TBL1X: variants seen among roughly 807,000 people sequenced by gnomAD.
The protein encoded by TBL1X is F-box-like/WD repeat-containing protein TBL1X.
In TBL1X, 10 loss-of-function variants were observed where a neutral mutation model predicts 50.7. The observed-to-expected ratio is 0.20, with a 90% CI of 0.12 to 0.33. TBL1X has a LOEUF of 0.33. Among genes scored for constraint, TBL1X ranks in the 10% least tolerant of loss-of-function variants. The probability of loss-of-function intolerance (pLI) is 1.00; values close to 1 mark genes in which losing one functional copy is unlikely to be tolerated. For missense variants in TBL1X, 340 were observed against 504.4 expected (o/e 0.67, Z 3.12); for synonymous variants, 190 against 214.7 (o/e 0.88, Z 1.01).
intron 2 of TBL1X, among the ~76,000 whole-genome samples, chrX:9,620,611 AAG>A (rs1200550875): frequency 2.7e-5 from 3 of 112,068 alleles, no homozygotes; most frequent in East Asian, 5.7e-4. Flanking sequence ...GAGCCAGGAG[AAG>A]AGAGTTTCAG....
chrX:9,491,450 C>T (rs978287182), intron 1 of TBL1X, among the ~76,000 whole-genome samples: 1 of 103,600 alleles, frequency 9.7e-6, no homozygotes. Flanking sequence ...AAGTGATTTT[C>T]CCGCCTCAGC....
intron 2 of TBL1X, among the ~76,000 whole-genome samples, chrX:9,504,958 G>C (rs2082018905): frequency 9.0e-6 from 1 of 111,079 alleles, no homozygotes; most frequent in African/African-American, 3.3e-5. Context: ...GGAAATACTG[G>C]GAACACCATT....
rs956147024 is a variant in TBL1X at position 9,705,216 on chromosome X, G to A, written c.1236+102G>A. The A allele has an allele frequency of 3.5e-6, 4 of 1,141,144 alleles. No homozygotes were observed. In the East Asian group the frequency reaches 9.6e-5, roughly 27 times the overall value. The allele number at this position is 1,141,144 out of a possible 1,213,427, so 94.0% of individuals were successfully genotyped here. On this transcript the variant is annotated intron_variant, in intron 13 of 17. Transcript: ENST00000645353. ...TAAAAGCTACTGCAGCAGCAGACCA[G>A]CTCTAATGTGCCCCTTGGCTATTTG... is the stretch of plus-strand genomic sequence containing the variant.
chrX:9,638,364 G>A (rs922556100), intron 2 of TBL1X, among the ~76,000 whole-genome samples: 1 of 112,278 alleles, frequency 8.9e-6, no homozygotes, highest in African/African-American at 3.2e-5. Flanking sequence ...GGTTCTATTT[G>A]CATACTAATA....
chrX:9,691,859 A>T, intron 8 of TBL1X, 148 bp downstream of exon 8: 1 of 887,371 alleles, frequency 1.1e-6, no homozygotes, highest in Non-Finnish European at 1.6e-6. Flanking sequence ...TGGCTCTATG[A>T]GCCACTTCTC....
chrX:9,618,397 C>T (rs772436698), intron 2 of TBL1X, among the ~76,000 whole-genome samples: 24 of 112,055 alleles, frequency 2.1e-4, no homozygotes, highest in African/African-American at 3.9e-4. Context: ...ATTTTCTGGC[C>T]GGGCGCGGTG....
chrX:9,719,582 G>C lies in TBL1X; in HGVS notation c.*3336G>C, dbSNP rs2083297947. ...TTTTTCCGATTCTGTTCAGATGACA[G>C]CGACCGCCTTTTCATTCCCCCCGCC... On this transcript the variant is annotated 3_prime_UTR_variant, in exon 18 of 18. Coordinates refer to ENST00000645353, the MANE Select transcript of TBL1X (RefSeq NM_005647.4). 9.1e-6 allele frequency: 1 copy of C among 110,316 alleles called. No individual in the cohort carries two copies. Among genetic ancestry groups the C allele is most frequent in the Non-Finnish European group, 1.9e-5 (1 of 52,803 alleles). The allele number at this position is 110,316 out of a possible 1,213,427, so 9.1% of individuals were successfully genotyped here.
intron 1 of TBL1X, among the ~76,000 whole-genome samples, chrX:9,481,957 C>G (rs1316656664): frequency 8.9e-6 from 1 of 112,085 alleles, no homozygotes; most frequent in African/African-American, 3.2e-5. Context: ...TTATTTTGCA[C>G]ATAAATTAGT....
intron 2 of TBL1X, among the ~76,000 whole-genome samples, chrX:9,526,574 C>A (rs2082133700): frequency 9.0e-6 from 1 of 111,095 alleles, no homozygotes; most frequent in Non-Finnish European, 1.9e-5. Flanking sequence ...TCTTCTGCAG[C>A]AAGGTGGGTA....
chrX:9,470,414 C>A (rs1168623664), intron 1 of TBL1X, among the ~76,000 whole-genome samples: 2 of 112,572 alleles, frequency 1.8e-5, no homozygotes, highest in African/African-American at 6.4e-5. Flanking sequence ...GCCACCACAC[C>A]TGGCTAATTT....
chrX:9,492,701 A>G (rs1201718255), intron 1 of TBL1X, among the ~76,000 whole-genome samples: 1 of 111,126 alleles, frequency 9.0e-6, no homozygotes, highest in Admixed American at 9.6e-5. Flanking sequence ...GAGGCAACAT[A>G]AGAAGGAATC....
intron 12 of TBL1X, among the ~76,000 whole-genome samples, 165 bp downstream of exon 12, chrX:9,697,594 A>T (rs765743269): frequency 1.8e-5 from 2 of 112,038 alleles, no homozygotes; most frequent in African/African-American, 3.2e-5. Context: ...CAACATGGCA[A>T]AACCCATCAC....
intron 1 of TBL1X, among the ~76,000 whole-genome samples, chrX:9,470,045 G>A (rs2081803292): frequency 8.9e-6 from 1 of 112,638 alleles, no homozygotes; most frequent in African/African-American, 3.2e-5. Context: ...AGAAACCACA[G>A]TGGAAAAACA....
At chrX:9,586,468 T>C (rs1182263109) in intron 2 of TBL1X, among the ~76,000 whole-genome samples, 1 of 112,886 alleles carries the variant, frequency 8.9e-6, no homozygotes, top group African/African-American at 3.2e-5. Context: ...GAAAGTAGAA[T>C]GGCAGTTGCC....
intron 2 of TBL1X, among the ~76,000 whole-genome samples, chrX:9,559,990 C>T (rs983877412): frequency 1.2e-4 from 13 of 111,465 alleles, no homozygotes; most frequent in Admixed American, 9.5e-4. Flanking sequence ...TTTGATGAGC[C>T]GGGAGCTAGG....
intron 1 of TBL1X, among the ~76,000 whole-genome samples, chrX:9,477,591 G>A (rs2081856343): frequency 8.9e-6 from 1 of 112,061 alleles, no homozygotes; most frequent in African/African-American, 3.2e-5. Flanking sequence ...TTGCCAAGAC[G>A]TCAGCTTTAA....
intron 2 of TBL1X, among the ~76,000 whole-genome samples, chrX:9,505,931 C>G (rs2082023653): frequency 8.9e-6 from 1 of 112,268 alleles, no homozygotes; most frequent in Non-Finnish European, 1.9e-5. Flanking sequence ...GACTCGAACT[C>G]AGATCTGGAT....
At chrX:9,597,633 A>G (rs2082532923) in intron 2 of TBL1X, among the ~76,000 whole-genome samples, 2 of 112,268 alleles carry the variant, frequency 1.8e-5, no homozygotes, top group Admixed American at 1.9e-4. Flanking sequence ...AAAGAAAGAA[A>G]TGCATGAAAT....
chrX:9,539,332 C>T (rs1303032260), intron 2 of TBL1X, among the ~76,000 whole-genome samples: 1 of 111,287 alleles, frequency 9.0e-6, no homozygotes, highest in African/African-American at 3.3e-5. Flanking sequence ...TTAACCTTTT[C>T]CTGCTTGCTT....
Sources: gnomAD v4.1 joint callset for allele counts (sites outside exome capture counted in the v4.1 genomes callset) on GRCh38, gnomAD v4.1.1 for gene constraint, MANE v1.5 for transcripts, NCBI Gene and HGNC (gene_info 2026-07-23, HGNC 2026-07-21) for gene names.